PHACTR3: variants seen among roughly 807,000 people sequenced by gnomAD.
PHACTR3 encodes phosphatase and actin regulator 3, also known as protein phosphatase 1, regulatory subunit 123.
In PHACTR3, 16 loss-of-function variants were observed where a neutral mutation model predicts 66.8. The ratio of observed to expected loss-of-function variants is 0.24; its 90% CI spans 0.16 to 0.36. The LOEUF (loss-of-function observed/expected upper bound fraction) is 0.36. PHACTR3 is among the 10% of genes least tolerant of loss of function. The pLI is 1.00. For synonymous variants in PHACTR3, 323 were observed against 292.1 expected (o/e 1.11, Z -1.08); for missense variants, 647 against 719.9 (o/e 0.90, Z 1.16).
chr20:59,737,021 G>A (rs968158676), intron 1 of PHACTR3, among the ~76,000 whole-genome samples: 4 of 152,122 alleles, frequency 2.6e-5, no homozygotes, highest in Non-Finnish European at 5.9e-5. Context: ...TAGGAGCAAA[G>A]GGTCTTTTGA....
chr20:59,629,337 C>T (rs547308384), intron 1 of PHACTR3, among the ~76,000 whole-genome samples: 1 of 152,330 alleles, frequency 6.6e-6, no homozygotes, highest in East Asian at 1.9e-4. Flanking sequence ...CCAGGAAGGC[C>T]CTGGCTGCCT....
intron 11 of PHACTR3, 99 bp from the exon 12 acceptor site, chr20:59,845,088 TAG>T: frequency 1.4e-6 from 1 of 722,156 alleles, no homozygotes; most frequent in Admixed American, 2.6e-5. Flanking sequence ...TATTACATAA[TAG>T]AGTCAACAAG....
chr20:59,639,627 A>G (rs954041581), intron 1 of PHACTR3, among the ~76,000 whole-genome samples: 3 of 152,174 alleles, frequency 2.0e-5, no homozygotes, highest in Non-Finnish European at 1.5e-5. Flanking sequence ...TCCCAGTTCT[A>G]TAACTTACTA....
chr20:59,835,854 TG>T (rs1000107287), intron 8 of PHACTR3: 12 of 152,420 alleles, frequency 7.9e-5, no homozygotes, highest in African/African-American at 2.4e-4. Flanking sequence ...CTGCGCTGGC[TG>T]GAAGAGATTC....
rs996766043 is a variant in PHACTR3 at position 59,682,648 on chromosome 20, C to A, written c.119-60459C>A. On this transcript the variant is annotated intron_variant, in intron 1 of 12. Coordinates refer to ENST00000371015, the MANE Select transcript of PHACTR3 (RefSeq NM_080672.5). ...GTATTACATGGAGTGTCAGGATTGG[C>A]ATCATTACGGAGGTGACATTTGAGC... 2.0e-5 allele frequency among the ~76,000 whole-genome samples: 3 copies of A among 152,154 alleles called. No homozygotes were observed. In the East Asian group the frequency reaches 5.8e-4, roughly 29 times the overall value.
intron 1 of PHACTR3, among the ~76,000 whole-genome samples, chr20:59,700,819 T>C (rs2037477060): frequency 6.6e-6 from 1 of 152,174 alleles, no homozygotes; most frequent in Non-Finnish European, 1.5e-5. Context: ...AGACAGGGGC[T>C]TGCTCCATCA....
At chr20:59,751,664 T>C (rs1486517676) in intron 3 of PHACTR3, among the ~76,000 whole-genome samples, 2 of 152,112 alleles carry the variant, frequency 1.3e-5, no homozygotes, top group African/African-American at 4.8e-5. Context: ...GTCTGTTTTA[T>C]GAACCACTGT....
chr20:59,750,064 T>C (rs931587800), intron 3 of PHACTR3, among the ~76,000 whole-genome samples: 1 of 152,174 alleles, frequency 6.6e-6, no homozygotes, highest in African/African-American at 2.4e-5. Context: ...GGGTCTGTGC[T>C]AGCTGCTGAG....
At chr20:59,840,558 G>A in intron 10 of PHACTR3, 128 bp downstream of exon 10, 1 of 1,370,862 alleles carries the variant, frequency 7.3e-7, no homozygotes, top group Non-Finnish European at 9.8e-7. Flanking sequence ...TGGACATCAT[G>A]GCATCAGTTA....
chr20:59,766,309 G>A (rs2040180226), intron 4 of PHACTR3, among the ~76,000 whole-genome samples: 1 of 152,214 alleles, frequency 6.6e-6, no homozygotes, highest in Admixed American at 6.5e-5. Context: ...TCTTCCTCCT[G>A]CAATAGTAGG....
intron 1 of PHACTR3, among the ~76,000 whole-genome samples, chr20:59,635,730 G>T (rs574764873): frequency 6.6e-6 from 1 of 152,166 alleles, no homozygotes; most frequent in Non-Finnish European, 1.5e-5. Context: ...TTTGTATGGC[G>T]CGTAAGAGGG....
At chr20:59,669,576 G>C (rs1169033456) in intron 1 of PHACTR3, among the ~76,000 whole-genome samples, 3 of 152,204 alleles carry the variant, frequency 2.0e-5, no homozygotes, top group Admixed American at 6.5e-5. Flanking sequence ...GTGAAATTTA[G>C]AATATTTTCT....
chr20:59,692,828 G>A (rs1356899765), intron 1 of PHACTR3, among the ~76,000 whole-genome samples: 3 of 152,282 alleles, frequency 2.0e-5, no homozygotes, highest in South Asian at 2.1e-4. Flanking sequence ...CTAGAATAAT[G>A]TATGTCAATT....
At chr20:59,682,347 AAAACAAAC>A (rs147445076) in intron 1 of PHACTR3, among the ~76,000 whole-genome samples, 1 of 152,108 alleles carries the variant, frequency 6.6e-6, no homozygotes, top group South Asian at 2.1e-4. Context: ...CTCAAAAACA[AAAACAAAC>A]AAAACAAAAA....
intron 3 of PHACTR3, among the ~76,000 whole-genome samples, chr20:59,754,532 G>A (rs1296474992): frequency 1.3e-5 from 2 of 152,224 alleles, no homozygotes; most frequent in Non-Finnish European, 2.9e-5. Context: ...TGCCAGACAC[G>A]TAGCCGGTGA....
intron 7 of PHACTR3, among the ~76,000 whole-genome samples, chr20:59,775,478 T>C (rs2426833): frequency 0.61 from 92,959 of 151,896 alleles, 30,211 homozygotes; most frequent in Non-Finnish European, 0.71. Context: ...GATGGGTGGA[T>C]AGACCGGCAG....
chr20:59,834,450 G>C (rs975127528), intron 8 of PHACTR3, among the ~76,000 whole-genome samples: 10 of 152,206 alleles, frequency 6.6e-5, no homozygotes, highest in African/African-American at 2.4e-4. Flanking sequence ...TCTAAGGGGA[G>C]ACCCCAGACA....
chr20:59,590,064 T>C (rs1262589673), intron 1 of PHACTR3, among the ~76,000 whole-genome samples: 2 of 152,216 alleles, frequency 1.3e-5, no homozygotes, highest in African/African-American at 4.8e-5. Flanking sequence ...CATATGTGTC[T>C]GTGGGAAATA....
chr20:59,704,766 T>C (rs1399273090), intron 1 of PHACTR3, among the ~76,000 whole-genome samples: 2 of 151,898 alleles, frequency 1.3e-5, no homozygotes, highest in African/African-American at 4.8e-5. Flanking sequence ...TTATATTTTT[T>C]TCAATTTTGA....
Sources: allele counts gnomAD v4.1 joint callset (sites outside exome capture counted in the v4.1 genomes callset), GRCh38; gene constraint gnomAD v4.1.1; transcripts MANE v1.5; gene names NCBI Gene and HGNC (gene_info 2026-07-23, HGNC 2026-07-21).